ARB2A: variants seen among roughly 807,000 people sequenced by gnomAD.
ARB2A encodes cotranscriptional regulator ARB2A.
the ARB2A span, among the ~76,000 whole-genome samples, chr5:94,023,265 G>T: frequency 1.0e-3 from 159 of 152,246 alleles, 1 homozygote; most frequent in African/African-American, 3.4e-3. Flanking sequence ...GTACTGAAGG[G>T]GGAGCACTTG....
At chr5:93,629,436 A>T in the ARB2A span, among the ~76,000 whole-genome samples, 1 of 152,186 alleles carries the variant, frequency 6.6e-6, no homozygotes, top group Non-Finnish European at 1.5e-5. Flanking sequence ...GGCTTGCTTG[A>T]CACAGGGTTG....
At chr5:93,937,475 G>A in the ARB2A span, among the ~76,000 whole-genome samples, 2 of 151,868 alleles carry the variant, frequency 1.3e-5, no homozygotes, top group African/African-American at 4.8e-5. Context: ...AGCTGGGCGT[G>A]GTGGCATGCA....
chr5:93,901,524 T>C, the ARB2A span, among the ~76,000 whole-genome samples: 1 of 152,190 alleles, frequency 6.6e-6, no homozygotes, highest in Non-Finnish European at 1.5e-5. Flanking sequence ...GCCTATATTA[T>C]ATTCATAAAT....
the ARB2A span, among the ~76,000 whole-genome samples, chr5:93,885,058 A>C: frequency 6.6e-6 from 1 of 151,580 alleles, no homozygotes; most frequent in Non-Finnish European, 1.5e-5. Context: ...AGCAAAGACA[A>C]AATGTCACTA....
the ARB2A span, among the ~76,000 whole-genome samples, chr5:93,631,716 T>G: frequency 6.9e-6 from 1 of 145,420 alleles, no homozygotes; most frequent in Non-Finnish European, 1.5e-5. Flanking sequence ...GTCAGGCTTT[T>G]CCTCCCAGCT....
chr5:93,812,962 A>C, the ARB2A span, among the ~76,000 whole-genome samples: 1 of 152,190 alleles, frequency 6.6e-6, no homozygotes, highest in East Asian at 1.9e-4. Context: ...TGTCCTTATA[A>C]GAAGAGGAAG....
the ARB2A span, among the ~76,000 whole-genome samples, chr5:94,044,152 T>C: frequency 1.3e-5 from 2 of 152,240 alleles, no homozygotes; most frequent in Non-Finnish European, 2.9e-5. Flanking sequence ...AGCCTAATTC[T>C]GGGCATGTAT....
At chr5:94,091,415 T>C in the ARB2A span, among the ~76,000 whole-genome samples, 2 of 152,200 alleles carry the variant, frequency 1.3e-5, no homozygotes, top group Admixed American at 1.3e-4. Flanking sequence ...ATTTAACATA[T>C]TGGCCACCTT....
At chr5:93,964,528 G>A in the ARB2A span, 6 of 1,561,338 alleles carry the variant, frequency 3.8e-6, no homozygotes, top group South Asian at 3.6e-5. Flanking sequence ...GATGATCTAA[G>A]TAGGAAAGAA....
At chr5:93,818,754 G>C in the ARB2A span, among the ~76,000 whole-genome samples, 4 of 152,128 alleles carry the variant, frequency 2.6e-5, no homozygotes, top group Non-Finnish European at 4.4e-5. Context: ...CAGCAACAAG[G>C]AGCCTATAAA....
chr5:93,663,530 T>C, the ARB2A span, among the ~76,000 whole-genome samples: 9 of 152,254 alleles, frequency 5.9e-5, no homozygotes, highest in African/African-American at 1.7e-4. Context: ...GTAGGCTGAA[T>C]ATACACCCAT....
the ARB2A span, among the ~76,000 whole-genome samples, chr5:93,800,514 A>C: frequency 1.4e-4 from 22 of 151,908 alleles, no homozygotes; most frequent in African/African-American, 5.1e-4. Context: ...GAACAGTGTA[A>C]AATAGTTGTC....
At chr5:93,692,745 A>G in the ARB2A span, among the ~76,000 whole-genome samples, 4 of 152,210 alleles carry the variant, frequency 2.6e-5, no homozygotes, top group African/African-American at 9.6e-5. Flanking sequence ...TCAATAGAAT[A>G]TACATTCTTC....
the ARB2A span, among the ~76,000 whole-genome samples, chr5:93,871,530 A>G: frequency 6.6e-6 from 1 of 152,228 alleles, no homozygotes; most frequent in African/African-American, 2.4e-5. Context: ...TTACAATTGC[A>G]TATCTGTTTG....
chr5:93,895,177 T>C, the ARB2A span, among the ~76,000 whole-genome samples: 1 of 152,204 alleles, frequency 6.6e-6, no homozygotes, highest in African/African-American at 2.4e-5. Flanking sequence ...TTAATTCAGC[T>C]GCCCTGTGGT....
At chr5:94,022,659 T>C in the ARB2A span, among the ~76,000 whole-genome samples, 1 of 152,246 alleles carries the variant, frequency 6.6e-6, no homozygotes, top group African/African-American at 2.4e-5. Context: ...GTTATATTTG[T>C]ACATACTGTC....
chr5:93,949,493 G>A, the ARB2A span, among the ~76,000 whole-genome samples: 8 of 151,990 alleles, frequency 5.3e-5, no homozygotes, highest in East Asian at 1.9e-4. Context: ...CCAGGGAGGC[G>A]GAGGTTGCAG....
At chr5:93,623,123 G>T in the ARB2A span, among the ~76,000 whole-genome samples, 2 of 151,974 alleles carry the variant, frequency 1.3e-5, no homozygotes, top group South Asian at 4.1e-4. Context: ...TGCAACCCTA[G>T]TTTCACTTCA....
the ARB2A span, among the ~76,000 whole-genome samples, chr5:93,622,305 A>G: frequency 5.9e-5 from 9 of 152,248 alleles, no homozygotes; most frequent in Non-Finnish European, 1.0e-4. Flanking sequence ...CTCCGGATTC[A>G]GGGCCTCAGT....
Sources: allele counts gnomAD v4.1 joint callset (sites outside exome capture counted in the v4.1 genomes callset), GRCh38; gene constraint gnomAD v4.1.1; transcripts MANE v1.5; gene names NCBI Gene and HGNC (gene_info 2026-07-23, HGNC 2026-07-21).